The following NYAP1 variants were observed in gnomAD, a reference collection of about 807,000 sequenced individuals.
NYAP1 encodes the protein neuronal tyrosine-phosphorylated phosphoinositide-3-kinase adapter 1.
NYAP1 carries 20 observed loss-of-function variants against 58.6 expected under a neutral mutation model. The ratio of observed to expected loss-of-function variants is 0.34; its 90% CI spans 0.24 to 0.50. NYAP1 has a LOEUF of 0.50. Ranked by LOEUF, NYAP1 falls within the 20% of genes least tolerant of loss-of-function variation. The pLI is 0.98. For missense variants in NYAP1, 1,150 were observed against 1,194.5 expected, an observed-to-expected ratio of 0.96 and a Z score of 0.55; for synonymous variants, 572 against 523.1, an observed-to-expected ratio of 1.09 and a Z score of -1.27.
chr7:100,488,246 C>T lies in NYAP1; in HGVS notation c.525C>T (p.Ser175=), dbSNP rs776938097. ...GCCCTAACACCCAGCTCTCTGTCTC[C>T]TTCGATGAGTCCTGCCCCCCAGGCC... ...RRSPNTQLSV[S]FDESCPPGPS... The change falls in exon 4 of 7, where the codon TCC becomes TCT. Residue 175 remains serine, a synonymous_variant. Transcript: ENST00000300179. This position sits in a 1 kb window ranked among gnomAD's most constrained non-coding sequence, Gnocchi z 5.9. 1.1e-5 allele frequency: 18 copies of T among 1,614,022 alleles called. No individual in the cohort carries two copies. Among genetic ancestry groups the T allele is most frequent in the Non-Finnish European group, 1.5e-5 (18 of 1,179,946 alleles).
rs1357623997 is a variant in NYAP1, at chr7:100,488,927, G to C, written c.1206G>C (p.Arg402=). The change falls in exon 4 of 7, where the codon CGG becomes CGC. Residue 402 remains arginine, a synonymous_variant. Transcript: ENST00000300179. This position sits in a 1 kb window ranked among gnomAD's most constrained non-coding sequence, Gnocchi z 5.9. ...TGCTGCTGCTGGGACCATCGGGCCGGGCCCGGAGCCACTCGACACCGTTGC... is the reference window on the plus strand; with the variant it reads ...TGCTGCTGCTGGGACCATCGGGCCGCGCCCGGAGCCACTCGACACCGTTGC... ...ANLLLLGPSG[R]ARSHSTPLPP... 1 of 1,577,292 alleles carries C rather than the reference G, an allele frequency of 6.3e-7. No homozygotes were observed. The highest frequency in any genetic ancestry group is 8.6e-7 in the Non-Finnish European group (1 of 1,168,334).
rs866307343 is a variant in NYAP1, at chr7:100,490,324, A to G, written c.1946-193A>G. ...TTCTCAGCCCCAAGAGATGGTACCA[A>G]TGGGTGGAAAGGAAGGGGTGTGTGT... On this transcript the variant is annotated intron_variant, in intron 4 of 6. Transcript: ENST00000300179. The surrounding 1 kb of genome is among the most constrained non-coding windows in gnomAD (Gnocchi z 4.6). Among the ~76,000 whole-genome samples, 3 of 152,030 alleles carry G rather than the reference A, an allele frequency of 2.0e-5. No individual in the cohort carries two copies. The highest frequency in any genetic ancestry group is 4.4e-5 in the Non-Finnish European group (3 of 68,004).
chr7:100,487,102 A>C lies in NYAP1; in HGVS notation c.350A>C (p.Lys117Thr). The change falls in exon 3 of 7, where the codon AAG becomes ACG. Residue 117 changes from lysine to threonine, a missense_variant. Transcript: ENST00000300179. This position sits in a 1 kb window ranked among gnomAD's most constrained non-coding sequence, Gnocchi z 4.1. The stretch of plus-strand genomic sequence containing the variant: ...AGCAGCACCCGAAGACCCCCTGCCA[A>C]GCCCCGGAGACACCCCAGCACCAAG... ...EDSSTRRPPA[K>T]PRRHPSTKLS... is the part of the protein sequence containing the mutation. 6.3e-7 allele frequency: 1 copy of C among 1,588,342 alleles called. No homozygotes were observed. The highest frequency in any genetic ancestry group is 1.1e-5 in the South Asian group (1 of 88,068).
In NYAP1 at chr7:100,485,524, C is replaced by G. The variant is rs527550442; in HGVS notation, c.68+145C>G. The G allele has an allele frequency of 3.0e-6, 2 of 664,206 alleles. No homozygotes were observed. Among genetic ancestry groups the G allele is most frequent in the Non-Finnish European group, 5.3e-6 (2 of 374,406 alleles). The allele number at this position is 664,206 out of a possible 1,614,324, so 41.1% of individuals were successfully genotyped here. On this transcript the variant is annotated intron_variant, in intron 2 of 6. Transcript: ENST00000300179. This position sits in a 1 kb window ranked among gnomAD's most constrained non-coding sequence, Gnocchi z 5.7. ...TCAGTACGGAATGGCCAGGATTGCACACACTGTCCTGGCCCAACTCCTGCT... is the reference window on the plus strand; with the variant it reads ...TCAGTACGGAATGGCCAGGATTGCAGACACTGTCCTGGCCCAACTCCTGCT...
rs1320603929 is a variant in NYAP1, at chr7:100,488,063, C to T, written c.431-89C>T. 2.2e-6 allele frequency: 2 copies of T among 923,166 alleles called. No homozygotes were observed. The highest frequency in any genetic ancestry group is 1.6e-6 in the Non-Finnish European group (1 of 611,800). 57.2% of individuals were successfully genotyped at this position (923,166 alleles called of 1,614,324 possible). ...AAAGGAAGAGGCAGATATGTCCTTG[C>T]AGAAGGGTCAAGGGATCAGAATGGG... On this transcript the variant is annotated intron_variant, in intron 3 of 6. Transcript: ENST00000300179. This position sits in a 1 kb window ranked among gnomAD's most constrained non-coding sequence, Gnocchi z 5.9.
Position 100,489,028 on chromosome 7 carries a change from C to A in NYAP1, c.1307C>A (p.Ala436Glu). ...NSHSMICPKA[A>E]GAPAAPPAPA... ...CACAGCATGATCTGCCCTAAGGCGGCGGGGGCGCCGGCAGCCCCCCCTGCC... is the reference window on the plus strand; with the variant it reads ...CACAGCATGATCTGCCCTAAGGCGGAGGGGGCGCCGGCAGCCCCCCCTGCC... Residue 436 changes from alanine to glutamate, a missense_variant, in exon 4 of 7, where the codon GCG becomes GAG. By Grantham distance (107) the Ala-to-Glu change is moderately radical. Coordinates refer to ENST00000300179, the MANE Select transcript of NYAP1 (RefSeq NM_173564.4). The A allele has an allele frequency of 6.5e-7, 1 of 1,547,818 alleles. No individual in the cohort carries two copies. The highest frequency in any genetic ancestry group is 8.7e-7 in the Non-Finnish European group (1 of 1,151,938).
At position 100,485,737 on chromosome 7, in the gene NYAP1, C is replaced by T. The variant is rs139676673; in HGVS notation, c.68+358C>T. On this transcript the variant is annotated intron_variant, in intron 2 of 6. Coordinates refer to ENST00000300179, the MANE Select transcript of NYAP1 (RefSeq NM_173564.4). This position sits in a 1 kb window ranked among gnomAD's most constrained non-coding sequence, Gnocchi z 5.7. ...GCAGGCCCCGCCTCTCTCCCAGGGT[C>T]TAGGGAAGGGGTCATTTCAGGGGCA... Among the ~76,000 whole-genome samples, 581 of 152,300 alleles carry T rather than the reference C, an allele frequency of 3.8e-3. 4 individuals are homozygous for T. Among genetic ancestry groups the T allele is most frequent in the African/African-American group, 0.013 (547 of 41,548 alleles).
At chr7:100,489,836 C>T (rs13235951) in intron 4 of NYAP1, among the ~76,000 whole-genome samples, 170 bp downstream of exon 4, 13,202 of 151,836 alleles carry the variant, frequency 0.087, 759 homozygotes, top group Non-Finnish European at 0.13. Flanking sequence ...ACAGAAAGAC[C>T]GGGGTCCCCC....
rs1258088608 is a variant in NYAP1, at chr7:100,488,900, C to T, written c.1179C>T (p.Asn393=). The T allele has an allele frequency of 1.3e-6, 2 of 1,597,438 alleles. No individual in the cohort carries two copies. The highest frequency in any genetic ancestry group is 1.3e-5 in the African/African-American group (1 of 74,460). ...PPPPPPPPAA[N]LLLLGPSGRA... ...CACCGCCTCCACCTCCTGCTGCCAA[C>T]CTGCTGCTGCTGGGACCATCGGGCC... The change falls in exon 4 of 7, where the codon AAC becomes AAT. Residue 393 remains asparagine, a synonymous_variant. Coordinates refer to ENST00000300179, the MANE Select transcript of NYAP1 (RefSeq NM_173564.4). The surrounding 1 kb of genome is among the most constrained non-coding windows in gnomAD (Gnocchi z 5.9).
chr7:100,491,056 AC>A lies in NYAP1; in HGVS notation c.2233del (p.Arg745GlyfsTer10). 3 of 1,559,416 alleles carry A rather than the reference AC, an allele frequency of 1.9e-6. No individual in the cohort carries two copies. The highest frequency in any genetic ancestry group is 2.4e-5 in the South Asian group (2 of 84,604). On this transcript the variant is annotated frameshift_variant, in exon 6 of 7. Transcript: ENST00000300179. LOFTEE classifies it high-confidence loss of function. ...GAGTCCGGCAGGTCGTGCTCCACAC[AC>A]CCCGGCCCTGCAGCCAGCCCAGGGA... ...SGVRQVVLHT[P>X]RPCSQPRDAL... is the part of the protein sequence containing the mutation.
At position 100,489,265 on chromosome 7, in the gene NYAP1, G is replaced by A; in HGVS notation, c.1544G>A (p.Gly515Asp). The A allele has an allele frequency of 6.2e-7, 1 of 1,602,146 alleles. No homozygotes were observed. The highest frequency in any genetic ancestry group is 2.3e-5 in the East Asian group (1 of 44,370). Residue 515 changes from glycine (G) to aspartate (D), a missense_variant, in exon 4 of 7, where the codon GGT becomes GAT. By Grantham distance (94) the Gly-to-Asp change is moderately conservative (BLOSUM62 -1). Transcript: ENST00000300179. Reference protein sequence around the residue: ...PPVPGKTSPHGGAMGAAAGVL... With the variant: ...PPVPGKTSPHDGAMGAAAGVL... ...GTGCCAGGGAAGACCAGCCCCCACG[G>A]TGGGGCCATGGGCGCAGCAGCTGGG...
Position 100,489,282 on chromosome 7 carries a change from G to A in NYAP1, c.1561G>A (p.Ala521Thr). ...TSPHGGAMGA[A>T]AGVLHHRGCL... ...CCCCCACGGTGGGGCCATGGGCGCA[G>A]CAGCTGGGGTCCTCCACCACCGCGG... Residue 521 changes from alanine to threonine, a missense_variant, in exon 4 of 7, where the codon GCA becomes ACA. Physicochemically the swap from Ala to Thr is moderately conservative, Grantham distance 58. Transcript: ENST00000300179. 1 of 1,599,736 alleles carries A rather than the reference G, an allele frequency of 6.3e-7. No homozygotes were observed. The highest frequency in any genetic ancestry group is 8.5e-7 in the Non-Finnish European group (1 of 1,173,960).
rs1174030639 is a variant in NYAP1 at position 100,490,663 on chromosome 7, C to A, written c.2092C>A (p.Arg698=). ...GLLARIHHGD[R]GGSRTALPIP... is the part of the protein sequence containing the mutation. ...GCTGGCCAGGATCCACCATGGAGAC[C>A]GAGGAGGGAGCCGCACCGCGCTGCC... is the stretch of plus-strand genomic sequence containing the variant. The change falls in exon 5 of 7, where the codon CGA becomes AGA. Residue 698 remains arginine, a synonymous_variant. Coordinates refer to ENST00000300179, the MANE Select transcript of NYAP1 (RefSeq NM_173564.4). This position sits in a 1 kb window ranked among gnomAD's most constrained non-coding sequence, Gnocchi z 4.6. 4 of 1,563,798 alleles carry A rather than the reference C, an allele frequency of 2.6e-6. No individual in the cohort carries two copies. The East Asian group carries it at 9.3e-5, about 37-fold the overall frequency.
Position 100,486,833 on chromosome 7 carries a change from G to A in NYAP1, c.81G>A (p.Glu27=), listed in dbSNP as rs867253738. The A allele has an allele frequency of 3.3e-6, 5 of 1,511,234 alleles. No individual in the cohort carries two copies. The highest frequency in any genetic ancestry group is 4.4e-6 in the Non-Finnish European group (5 of 1,134,636). The allele number at this position is 1,511,234 out of a possible 1,614,324, so 93.6% of individuals were successfully genotyped here. The part of the protein sequence containing the change: ...EEEAKRSSSK[E]VAPAGSAGPA... ...CTTCTCTCCCCAGCTCCAGTAAGGA[G>A]GTGGCCCCCGCTGGCTCGGCTGGGC... The change falls in exon 3 of 7, where the codon GAG becomes GAA. Residue 27 remains glutamate (E), a synonymous_variant. Coordinates refer to ENST00000300179, the MANE Select transcript of NYAP1 (RefSeq NM_173564.4). The surrounding 1 kb of genome is among the most constrained non-coding windows in gnomAD (Gnocchi z 6.2).
At position 100,485,296 on chromosome 7, in the gene NYAP1, C is replaced by T. The variant is rs1242664474; in HGVS notation, c.-16C>T. The T allele has an allele frequency of 1.3e-6, 2 of 1,574,322 alleles. No individual in the cohort carries two copies. The highest frequency in any genetic ancestry group is 2.3e-5 in the East Asian group (1 of 43,398). On this transcript the variant is annotated 5_prime_UTR_variant, in exon 2 of 7. Coordinates refer to ENST00000300179, the MANE Select transcript of NYAP1 (RefSeq NM_173564.4). This position sits in a 1 kb window ranked among gnomAD's most constrained non-coding sequence, Gnocchi z 5.7. ...ACTGAGCAGGGCCCCCCAGCCCCCA[C>T]CTCCTGCCCCACGAGATGAACCTCC... is the stretch of plus-strand genomic sequence containing the variant.
In NYAP1 at chr7:100,493,909, G is replaced by A; in HGVS notation, c.*6G>A. The A allele has an allele frequency of 2.8e-6, 4 of 1,439,156 alleles. No homozygotes were observed. The highest frequency in any genetic ancestry group is 3.6e-6 in the Non-Finnish European group (4 of 1,102,032). 89.1% of individuals were successfully genotyped at this position (1,439,156 alleles called of 1,614,324 possible). ...TCTGGGACACCGCCATCTGAGGCGG[G>A]CGGGGGGGTACCGGGGCGCCTGGAC... On this transcript the variant is annotated 3_prime_UTR_variant, in exon 7 of 7. Coordinates refer to ENST00000300179, the MANE Select transcript of NYAP1 (RefSeq NM_173564.4).
rs1466874527 is a variant in NYAP1 at position 100,489,405 on chromosome 7, C to T, written c.1684C>T (p.Pro562Ser). Residue 562 changes from proline to serine, a missense_variant, in exon 4 of 7, where the codon CCT (proline) becomes TCT (serine). Physicochemically the swap from Pro to Ser is moderately conservative, Grantham distance 74. Transcript: ENST00000300179. ...PATAAGLKRP[P>S]AYESLKAGGV... ...CACAGCAGCTGGGCTCAAGAGACCC[C>T]CTGCCTATGAGAGCCTCAAGGCTGG... The T allele has an allele frequency of 1.2e-6, 2 of 1,613,024 alleles. No homozygotes were observed. The highest frequency in any genetic ancestry group is 1.1e-5 in the South Asian group (1 of 91,070).
chr7:100,490,623 G>T lies in NYAP1; in HGVS notation c.2052G>T (p.Gln684His). The T allele has an allele frequency of 6.4e-7, 1 of 1,573,254 alleles. No homozygotes were observed. The highest frequency in any genetic ancestry group is 2.3e-5 in the East Asian group (1 of 43,268). The part of the protein sequence containing the change: ...PGTSGIPVRS[Q>H]GAEGLLARIH... ...CATCGGGGATCCCAGTGAGAAGCCA[G>T]GGGGCAGAGGGACTGCTGGCCAGGA... is the stretch of plus-strand genomic sequence containing the variant. The change falls in exon 5 of 7, where the codon CAG becomes CAT. Residue 684 changes from glutamine (Q) to histidine (H), a missense_variant. Gln to His is a conservative substitution (Grantham distance 24). Transcript: ENST00000300179. This position sits in a 1 kb window ranked among gnomAD's most constrained non-coding sequence, Gnocchi z 4.6.
rs765270718 is a variant in NYAP1 at position 100,489,335 on chromosome 7, G to A, written c.1614G>A (p.Pro538=). The A allele has an allele frequency of 5.0e-6, 8 of 1,609,778 alleles. No homozygotes were observed. The highest frequency in any genetic ancestry group is 2.2e-5 in the East Asian group (1 of 44,718). The part of the protein sequence containing the change: ...RGCLASPHSL[P]DPTVGPLTPL... ...GCCTGGCCTCCCCCCACAGCCTTCC[G>A]GACCCAACTGTAGGCCCCCTGACCC... The change falls in exon 4 of 7, where the codon CCG becomes CCA. Residue 538 remains proline, a synonymous_variant. Coordinates refer to ENST00000300179, the MANE Select transcript of NYAP1 (RefSeq NM_173564.4).
Sources: gnomAD v4.1 joint callset for allele counts (sites outside exome capture counted in the v4.1 genomes callset) on GRCh38, gnomAD v4.1.1 for gene constraint, Gnocchi (gnomAD v3.1) non-coding constraint, MANE v1.5 for transcripts, NCBI Gene and HGNC (gene_info 2026-07-23, HGNC 2026-07-21) for gene names.